EPN1: variants seen among roughly 807,000 people sequenced by gnomAD.
The protein encoded by EPN1 is epsin-1.
EPN1 carries 25 observed loss-of-function variants against 56.9 expected under a neutral mutation model. The ratio of observed to expected loss-of-function variants is 0.44; its 90% CI spans 0.32 to 0.61. The LOEUF (loss-of-function observed/expected upper bound fraction) is 0.61, where lower values mean the gene tolerates loss of function less well. Among genes scored for constraint, EPN1 ranks in the 20% least tolerant of loss-of-function variants. The pLI, the probability that EPN1 is intolerant of heterozygous loss-of-function variation, is 0.05. For missense variants in EPN1, 785 were observed against 823.7 expected (o/e 0.95, Z 0.58); for synonymous variants, 411 against 361.8 (o/e 1.14, Z -1.54).
chr19:55,687,940 G>A (rs902614985), intron 3 of EPN1, among the ~76,000 whole-genome samples: 2 of 152,212 alleles, frequency 1.3e-5, no homozygotes, highest in African/African-American at 2.4e-5. Flanking sequence ...GGGCCTGCTC[G>A]TCAGGGAGAG....
Position 55,708,833 on chromosome 19 carries a change from C to T in EPN1, c.*13477C>T, listed in dbSNP as rs1987559185. 4.1e-6 allele frequency: 4 copies of T among 972,388 alleles called. No homozygotes were observed. Among genetic ancestry groups the T allele is most frequent in the African/African-American group, 1.7e-5 (1 of 58,276 alleles). 60.2% of individuals were successfully genotyped at this position (972,388 alleles called of 1,614,324 possible). A position where few individuals can be genotyped will look rare whatever the true frequency, so the allele number is the denominator to read the frequency against. The stretch of plus-strand genomic sequence containing the variant: ...GCCCTGCTGCCATGATGTGCAATTA[C>T]AGGATAGAGGTGCCAGGTGAAGGTC... On this transcript the variant is annotated 3_prime_UTR_variant, in exon 11 of 11. Transcript: ENST00000270460.
intron 2 of EPN1, among the ~76,000 whole-genome samples, chr19:55,683,264 C>T (rs1985945637): frequency 6.6e-6 from 1 of 152,040 alleles, no homozygotes; most frequent in Admixed American, 6.6e-5. Flanking sequence ...ACCATGTTGG[C>T]CAGGCTGGTC....
intron 2 of EPN1, among the ~76,000 whole-genome samples, chr19:55,681,232 A>G (rs993010518): frequency 6.6e-6 from 1 of 152,204 alleles, no homozygotes; most frequent in African/African-American, 2.4e-5. Context: ...GCCGGCGTTT[A>G]TTTGGTACCT....
rs775263887 is a variant in EPN1, at chr19:55,694,815, G to T, written c.1354G>T (p.Val452Leu). ...SGVRGSLAEA[V>L]GSPPPAATPT... ...GGTCAGGGGATCTCTGGCTGAGGCT[G>T]TGGGCAGCCCCCCACCTGCAGCCAC... Residue 452 changes from valine to leucine, a missense_variant, in exon 10 of 11, where the codon GTG (valine) becomes TTG (leucine). This residue lies in a region of EPN1 where 650 missense variants were observed against 605.0 expected (regional missense o/e 1.07). Transcript: ENST00000270460. This position sits in a 1 kb window ranked among gnomAD's most constrained non-coding sequence, Gnocchi z 4.2. The T allele has an allele frequency of 2.5e-6, 4 of 1,610,208 alleles. No homozygotes were observed. Among genetic ancestry groups the T allele is most frequent in the Non-Finnish European group, 3.4e-6 (4 of 1,178,518 alleles).
chr19:55,707,985 A>T lies in EPN1; in HGVS notation c.*12629A>T, dbSNP rs1987512364. On this transcript the variant is annotated 3_prime_UTR_variant, in exon 11 of 11. Transcript: ENST00000270460. Reference sequence around the variant, plus strand: ...AAGTTGTGGGAAAAGGCCAAAAGCAAATAGAAAATTGGGCAAAAAAGTTCA... The same window carrying T: ...AAGTTGTGGGAAAAGGCCAAAAGCATATAGAAAATTGGGCAAAAAAGTTCA... 1 of 152,514 alleles carries T rather than the reference A, an allele frequency of 6.6e-6. No homozygotes were observed. Among genetic ancestry groups the T allele is most frequent in the African/African-American group, 2.4e-5 (1 of 41,484 alleles). 9.4% of individuals were successfully genotyped at this position (152,514 alleles called of 1,614,324 possible). A position where few individuals can be genotyped will look rare whatever the true frequency, so the allele number is the denominator to read the frequency against.
chr19:55,676,830 C>T (rs1222272571), intron 1 of EPN1: 2 of 194,758 alleles, frequency 1.0e-5, no homozygotes, highest in Non-Finnish European at 2.1e-5. Context: ...TTCCCATGTT[C>T]TTGTATCTGC....
At position 55,694,786 on chromosome 19, in the gene EPN1, G is replaced by A. The variant is rs1305932321; in HGVS notation, c.1325G>A (p.Ser442Asn). Residue 442 changes from serine (S) to asparagine (N), a missense_variant, in exon 10 of 11, where the codon AGT (serine) becomes AAT (asparagine). Physicochemically the swap from Ser to Asn is conservative, Grantham distance 46 (BLOSUM62 1). Transcript: ENST00000270460. The surrounding 1 kb of genome is among the most constrained non-coding windows in gnomAD (Gnocchi z 4.2). ...PARSPGAFDMSGVRGSLAEAV... is the reference protein window; with the variant it reads ...PARSPGAFDMNGVRGSLAEAV... ...CGAAGCCCTGGGGCGTTTGACATGA[G>A]TGGGGTCAGGGGATCTCTGGCTGAG... is the stretch of plus-strand genomic sequence containing the variant. 3 of 1,608,796 alleles carry A rather than the reference G, an allele frequency of 1.9e-6. No homozygotes were observed. The highest frequency in any genetic ancestry group is 2.2e-5 in the East Asian group (1 of 44,766).
chr19:55,678,587 G>T lies in EPN1; in HGVS notation c.-41G>T. On this transcript the variant is annotated 5_prime_UTR_variant, in exon 2 of 11. Transcript: ENST00000270460. ...TCCGGGAGTCGCCCCATCTCTCCAC[G>T]CATCGGGGCCCTGTGCCCCTTGCTG... is the stretch of plus-strand genomic sequence containing the variant. 1.3e-6 allele frequency: 2 copies of T among 1,573,792 alleles called. No individual in the cohort carries two copies. The highest frequency in any genetic ancestry group is 1.7e-6 in the Non-Finnish European group (2 of 1,161,798).
Position 55,675,364 on chromosome 19 carries a change from G to A in EPN1, c.-173G>A, listed in dbSNP as rs145512024. On this transcript the variant is annotated 5_prime_UTR_variant, in exon 1 of 11. Transcript: ENST00000270460. ...GCGCCCGTGGCCCGGCGCACGTCCC[G>A]CGACACCGAGGCCGAGCGGGGCAGG... The A allele has an allele frequency of 0.01, 1,585 of 151,878 alleles. 15 individuals carry two copies. The highest frequency in any genetic ancestry group is 0.035 in the Admixed American group (531 of 15,272). The allele number at this position is 151,878 out of a possible 1,614,324, so 9.4% of individuals were successfully genotyped here.
chr19:55,706,146 T>C lies in EPN1; in HGVS notation c.*10790T>C, dbSNP rs200618590. The C allele has an allele frequency of 4.7e-5, 9 of 190,018 alleles. No individual in the cohort carries two copies. The East Asian group carries it at 6.8e-4, about 14-fold the overall frequency. 11.8% of individuals were successfully genotyped at this position (190,018 alleles called of 1,614,324 possible). ...GAGACTGGAGAACTTTGATTTCTTC[T>C]TCCTCCTCCTCCTCTCTTTTCTTCT... On this transcript the variant is annotated 3_prime_UTR_variant, in exon 11 of 11. Coordinates refer to ENST00000270460, the MANE Select transcript of EPN1 (RefSeq NM_001130072.2).
intron 2 of EPN1, among the ~76,000 whole-genome samples, chr19:55,683,592 G>A (rs929568019): frequency 3.3e-5 from 5 of 151,990 alleles, no homozygotes; most frequent in African/African-American, 1.2e-4. Flanking sequence ...ACCTCGGGTG[G>A]TCCACCTGCC....
chr19:55,688,580 C>G (rs1002723913), intron 3 of EPN1, among the ~76,000 whole-genome samples: 1 of 152,136 alleles, frequency 6.6e-6, no homozygotes, highest in Non-Finnish European at 1.5e-5. Flanking sequence ...TGGCAGGGCT[C>G]AGAGGTTGCT....
Position 55,705,834 on chromosome 19 carries a change from G to C in EPN1, c.*10478G>C, listed in dbSNP as rs546215391. ...ATATATATATATATATATATTTAGA[G>C]TGTTGTGGGATATATATATATATTT... On this transcript the variant is annotated 3_prime_UTR_variant, in exon 11 of 11. Coordinates refer to ENST00000270460, the MANE Select transcript of EPN1 (RefSeq NM_001130072.2). The C allele has an allele frequency of 2.6e-5, 2 of 77,396 alleles. No homozygotes were observed. Among genetic ancestry groups the C allele is most frequent in the African/African-American group, 1.6e-4 (2 of 12,238 alleles). 4.8% of individuals were successfully genotyped at this position (77,396 alleles called of 1,614,324 possible). A position where few individuals can be genotyped will look rare whatever the true frequency, so the allele number is the denominator to read the frequency against.
intron 1 of EPN1, among the ~76,000 whole-genome samples, chr19:55,675,999 G>A (rs1164586474): frequency 6.6e-6 from 1 of 152,188 alleles, no homozygotes; most frequent in Admixed American, 6.5e-5. Context: ...TGATGGTGAA[G>A]AGCCCCAGCC....
Position 55,705,748 on chromosome 19 carries a change from A to G in EPN1, c.*10392A>G, listed in dbSNP as rs1426306993. Reference sequence around the variant, plus strand: ...GTATCGAGAAAATGACATGTCAATCATAAGGTCAGGTTCTTCAACAGTCAT... The same window carrying G: ...GTATCGAGAAAATGACATGTCAATCGTAAGGTCAGGTTCTTCAACAGTCAT... On this transcript the variant is annotated 3_prime_UTR_variant, in exon 11 of 11. Coordinates refer to ENST00000270460, the MANE Select transcript of EPN1 (RefSeq NM_001130072.2). The G allele has an allele frequency of 1.3e-5, 2 of 150,870 alleles. No individual in the cohort carries two copies. The highest frequency in any genetic ancestry group is 6.6e-5 in the Admixed American group (1 of 15,120). The allele number at this position is 150,870 out of a possible 1,614,324, so 9.3% of individuals were successfully genotyped here. A position where few individuals can be genotyped will look rare whatever the true frequency, so the allele number is the denominator to read the frequency against.
In EPN1 at chr19:55,688,880, A is replaced by T; in HGVS notation, c.489A>T (p.Ala163=). 6.3e-7 allele frequency: 1 copy of T among 1,578,340 alleles called. No individual in the cohort carries two copies. The highest frequency in any genetic ancestry group is 1.2e-5 in the South Asian group (1 of 86,266). ...KLAQTATASS[A]AVGSGPPPEA... Reference sequence around the variant, plus strand: ...TCACCCGCCCTCCAGCCTCATCAGCAGCTGTGGGCTCAGGCCCCCCTCCCG... The same window carrying T: ...TCACCCGCCCTCCAGCCTCATCAGCTGCTGTGGGCTCAGGCCCCCCTCCCG... Residue 163 remains alanine (A), a synonymous_variant, in exon 4 of 11, where the codon GCA becomes GCT. Transcript: ENST00000270460.
chr19:55,685,349 G>T (rs368990264), intron 2 of EPN1, 47 bp from the exon 3 acceptor site: 2 of 1,583,770 alleles, frequency 1.3e-6, no homozygotes, highest in African/African-American at 2.7e-5. Flanking sequence ...TCTCTGGCCC[G>T]CCTTGTGCCC....
chr19:55,684,745 AC>A, intron 2 of EPN1, among the ~76,000 whole-genome samples: 1 of 152,086 alleles, frequency 6.6e-6, no homozygotes, highest in South Asian at 2.1e-4. Flanking sequence ...TAGTACTAAG[AC>A]CCCCTTCATT....
rs1986541178 is a variant in EPN1 at position 55,691,467 on chromosome 19, C to T, written c.763-287C>T. ...GGAGCAGGTGGAGTTAAGGGGCTGC[C>T]CTGCTGCAGTGTGGAGAATGGATGT... On this transcript the variant is annotated intron_variant, in intron 6 of 10. Transcript: ENST00000270460. This position sits in a 1 kb window ranked among gnomAD's most constrained non-coding sequence, Gnocchi z 5.6. 6.6e-6 allele frequency among the ~76,000 whole-genome samples: 1 copy of T among 151,888 alleles called. No individual in the cohort carries two copies. Among genetic ancestry groups the T allele is most frequent in the Non-Finnish European group, 1.5e-5 (1 of 67,924 alleles).
Sources: gnomAD v4.1 joint callset for allele counts (sites outside exome capture counted in the v4.1 genomes callset) on GRCh38, gnomAD v4.1.1 for gene constraint, gnomAD v4.1.1 regional missense constraint, Gnocchi (gnomAD v3.1) non-coding constraint, MANE v1.5 for transcripts, NCBI Gene and HGNC (gene_info 2026-07-23, HGNC 2026-07-21) for gene names.